Variants in USP32 observed in about 807,000 individuals in gnomAD.
The protein encoded by USP32 is ubiquitin carboxyl-terminal hydrolase 32.
Under a neutral mutation model 204.8 loss-of-function variants are expected in USP32, and 59 were observed. The observed-to-expected ratio is 0.29, with a 90% CI of 0.23 to 0.36. The LOEUF (loss-of-function observed/expected upper bound fraction) is 0.36. Ranked by LOEUF, USP32 falls within the 10% of genes least tolerant of loss-of-function variation. USP32 has a pLI of 1.00. For synonymous variants in USP32, 517 were observed against 678.4 expected (o/e 0.76, Z 3.70); for missense variants, 1,160 against 1,946.4 (o/e 0.60, Z 7.60).
At chr17:60,363,252 C>T (rs530653752) in intron 1 of USP32, among the ~76,000 whole-genome samples, 20 of 151,870 alleles carry the variant, frequency 1.3e-4, no homozygotes, top group Admixed American at 7.9e-4. Context: ...CTCAGGAGTT[C>T]GCAACCAGCC....
intron 11 of USP32, among the ~76,000 whole-genome samples, chr17:60,237,107 AT>A (rs958730951): frequency 7.2e-5 from 10 of 138,136 alleles, no homozygotes; most frequent in African/African-American, 1.4e-4. Flanking sequence ...AAAAAAAAAA[AT>A]CTACTCTATC....
At chr17:60,306,664 A>G (rs1184158069) in intron 2 of USP32, among the ~76,000 whole-genome samples, 1 of 152,102 alleles carries the variant, frequency 6.6e-6, no homozygotes, top group Non-Finnish European at 1.5e-5. Context: ...GTCTTTAGCT[A>G]TTAAAAAAGG....
intron 1 of USP32, among the ~76,000 whole-genome samples, chr17:60,405,597 A>G (rs747701203): frequency 3.3e-5 from 5 of 152,074 alleles, no homozygotes; most frequent in Non-Finnish European, 7.4e-5. Flanking sequence ...CCCCATCGCT[A>G]CAAAAATACA....
At chr17:60,210,311 C>CTT (rs57918169) in intron 21 of USP32, among the ~76,000 whole-genome samples, 1 of 147,272 alleles carries the variant, frequency 6.8e-6, no homozygotes, top group Non-Finnish European at 1.5e-5. Context: ...CATCCTTCTA[C>CTT]TTTTTTTTTT....
At chr17:60,189,270 A>G (rs112918509) in intron 29 of USP32, among the ~76,000 whole-genome samples, 135 of 152,366 alleles carry the variant, frequency 8.9e-4, no homozygotes, top group African/African-American at 2.8e-3. Context: ...AAGGGCTCCC[A>G]GGAGCCTTGG....
chr17:60,253,681 G>C (rs780552510), intron 10 of USP32, among the ~76,000 whole-genome samples: 1 of 151,938 alleles, frequency 6.6e-6, no homozygotes, highest in Non-Finnish European at 1.5e-5. Flanking sequence ...CAGGAGAATC[G>C]CTTGAACCTG....
intron 1 of USP32, among the ~76,000 whole-genome samples, chr17:60,365,139 C>T (rs138749078): frequency 0.021 from 3,188 of 152,146 alleles, 49 homozygotes; most frequent in Non-Finnish European, 0.032. Flanking sequence ...ATCAACTAAG[C>T]TCTATTCAGT....
intron 7 of USP32, among the ~76,000 whole-genome samples, chr17:60,267,743 A>G (rs955801908): frequency 2.0e-5 from 3 of 149,994 alleles, no homozygotes; most frequent in Non-Finnish European, 4.4e-5. Flanking sequence ...CTGATCTTGA[A>G]CTCCTGACCT....
chr17:60,391,466 C>G (rs555914280), intron 1 of USP32, among the ~76,000 whole-genome samples: 115 of 152,180 alleles, frequency 7.6e-4, no homozygotes, highest in African/African-American at 2.6e-3. Flanking sequence ...CCCCTTCCAG[C>G]TAAGGCTGTT....
chr17:60,238,383 T>C (rs1183516490), intron 11 of USP32, among the ~76,000 whole-genome samples: 1 of 152,114 alleles, frequency 6.6e-6, no homozygotes, highest in Admixed American at 6.6e-5. Context: ...AAGTTTTAAG[T>C]TTTGCCAGGT....
intron 11 of USP32, among the ~76,000 whole-genome samples, chr17:60,251,843 T>C (rs1260987529): frequency 1.3e-5 from 2 of 152,060 alleles, no homozygotes; most frequent in African/African-American, 4.8e-5. Flanking sequence ...AGCCAATCAT[T>C]TAAAATTATA....
In USP32 at chr17:60,392,018, G is replaced by T. The variant is rs2089847150; in HGVS notation, c.-79C>A. On this transcript the variant is annotated 5_prime_UTR_variant, in exon 1 of 34. Coordinates refer to ENST00000300896, the MANE Select transcript of USP32 (RefSeq NM_032582.4). ...CTCCCGCCTTCTCCTCGGCGTCCCT[G>T]GGTGACGGTGACGGTGTCGGCGTCC... is the stretch of plus-strand genomic sequence containing the variant. 1 of 1,481,230 alleles carries T rather than the reference G, an allele frequency of 6.8e-7. No homozygotes were observed. Among genetic ancestry groups the T allele is most frequent in the Non-Finnish European group, 9.1e-7 (1 of 1,101,676 alleles). The allele number at this position is 1,481,230 out of a possible 1,614,324, so 91.8% of individuals were successfully genotyped here. A position where few individuals can be genotyped will look rare whatever the true frequency, so the allele number is the denominator to read the frequency against.
chr17:60,309,559 A>G (rs2087806188), intron 2 of USP32, among the ~76,000 whole-genome samples: 1 of 152,162 alleles, frequency 6.6e-6, no homozygotes, highest in Admixed American at 6.6e-5. Flanking sequence ...CCAAGACTGC[A>G]CTACTGCTCT....
chr17:60,357,534 T>C (rs1182835601), intron 1 of USP32, among the ~76,000 whole-genome samples: 1 of 151,982 alleles, frequency 6.6e-6, no homozygotes, highest in Non-Finnish European at 1.5e-5. Context: ...AAAATAAAAA[T>C]AAAAATATAT....
At position 60,288,673 on chromosome 17, in the gene USP32, C is replaced by A. The variant is rs1390320359; in HGVS notation, c.421G>T (p.Val141Leu). The A allele has an allele frequency of 1.3e-6, 2 of 1,597,618 alleles. No individual in the cohort carries two copies. Among genetic ancestry groups the A allele is most frequent in the Admixed American group, 1.8e-5 (1 of 54,518 alleles). The change falls in exon 5 of 34, where the codon GTA (valine) becomes TTA (leucine). Residue 141 changes from valine (V) to leucine (L), a missense_variant. This residue lies in a region of USP32 where 536 missense variants were observed against 680.9 expected (regional missense o/e 0.79). Transcript: ENST00000300896. ...LRKCFSEGEK[V>L]NYEKFRNWLF... is the part of the protein sequence containing the mutation. ...CAATTTCTAAACTTTTCATAGTTTA[C>A]CTTTTCACCCTAAAATTAAAACAAG...
chr17:60,258,854 T>G (rs1263258483), intron 9 of USP32, among the ~76,000 whole-genome samples: 1 of 152,168 alleles, frequency 6.6e-6, no homozygotes, highest in Non-Finnish European at 1.5e-5. Flanking sequence ...GCATATACAA[T>G]AAGGTAAATT....
rs1238153320 is a variant in USP32 at position 60,391,952 on chromosome 17, C to A, written c.-13G>T. On this transcript the variant is annotated 5_prime_UTR_variant, in exon 1 of 34. Coordinates refer to ENST00000300896, the MANE Select transcript of USP32 (RefSeq NM_032582.4). Reference sequence around the variant, plus strand: ...CCTTGGCACCCATGCTCCCCTCATCCCCTCGGCGGGGGGTCGGAGCCTGAT... The same window carrying A: ...CCTTGGCACCCATGCTCCCCTCATCACCTCGGCGGGGGGTCGGAGCCTGAT... 1 of 1,609,780 alleles carries A rather than the reference C, an allele frequency of 6.2e-7. No individual in the cohort carries two copies. The highest frequency in any genetic ancestry group is 8.5e-7 in the Non-Finnish European group (1 of 1,178,332).
chr17:60,375,032 G>A (rs1276397160), intron 1 of USP32, among the ~76,000 whole-genome samples: 4 of 152,216 alleles, frequency 2.6e-5, no homozygotes, highest in African/African-American at 9.7e-5. Context: ...GTTTGGTGAT[G>A]AGATCATTAG....
Position 60,381,047 on chromosome 17 carries a change from GC to G in USP32, c.58+10834del, listed in dbSNP as rs1166404159. 2.6e-5 allele frequency among the ~76,000 whole-genome samples: 4 copies of G among 152,282 alleles called. No homozygotes were observed. The East Asian group carries it at 7.7e-4, about 29-fold the overall frequency. On this transcript the variant is annotated intron_variant, in intron 1 of 33. Coordinates refer to ENST00000300896, the MANE Select transcript of USP32 (RefSeq NM_032582.4). Reference sequence around the variant, plus strand: ...CATGAGACAAAATTTACTCTAGAAAGCACAATTTACCAGATTACTGCTGCTA... The same window carrying G: ...CATGAGACAAAATTTACTCTAGAAAGACAATTTACCAGATTACTGCTGCTA...
Sources: gnomAD v4.1 joint callset for allele counts (sites outside exome capture counted in the v4.1 genomes callset) on GRCh38, gnomAD v4.1.1 for gene constraint, gnomAD v4.1.1 regional missense constraint, MANE v1.5 for transcripts, NCBI Gene and HGNC (gene_info 2026-07-23, HGNC 2026-07-21) for gene names.